Variants in HIP1 observed in about 807,000 individuals in gnomAD.
HIP1 encodes the protein huntingtin interacting protein 1.
Under a neutral mutation model 147.6 loss-of-function variants are expected in HIP1, and 65 were observed. The ratio of observed to expected loss-of-function variants is 0.44; its 90% confidence interval spans 0.36 to 0.54. The LOEUF (loss-of-function observed/expected upper bound fraction) is 0.54, where lower values mean the gene tolerates loss of function less well. HIP1 is among the 20% of genes least tolerant of loss of function. The pLI, the probability that HIP1 is intolerant of heterozygous loss-of-function variation, is 0.00. For synonymous variants in HIP1, 479 were observed against 504.0 expected, an observed-to-expected ratio of 0.95 and a Z score of 0.67; for missense variants, 1,061 against 1,299.6, an observed-to-expected ratio of 0.82 and a Z score of 2.82.
intron 1 of HIP1, among the ~76,000 whole-genome samples, chr7:75,609,199 C>G (rs180954206): frequency 2.0e-5 from 3 of 152,296 alleles, no homozygotes; most frequent in African/African-American, 7.2e-5. Context: ...AGCTCTCAGG[C>G]ACTGTCATCA....
chr7:75,656,600 C>T (rs1255265889), intron 1 of HIP1, among the ~76,000 whole-genome samples: 3 of 152,118 alleles, frequency 2.0e-5, no homozygotes, highest in African/African-American at 7.2e-5. Flanking sequence ...GCCTCAGCCT[C>T]TGGAGTAGCT....
intron 12 of HIP1, among the ~76,000 whole-genome samples, 178 bp downstream of exon 12, chr7:75,561,895 C>A (rs1376506056): frequency 6.6e-6 from 1 of 152,198 alleles, no homozygotes; most frequent in African/African-American, 2.4e-5. Flanking sequence ...AATCCTCCTA[C>A]CTCATCCTCC....
At chr7:75,560,866 A>C (rs1433809330) in intron 13 of HIP1, among the ~76,000 whole-genome samples, 1 of 151,602 alleles carries the variant, frequency 6.6e-6, no homozygotes, top group African/African-American at 2.4e-5. Context: ...AGTAGCTGGG[A>C]TCACAGGTGC....
In HIP1 at chr7:75,548,052, T is replaced by G. The variant is rs187194201; in HGVS notation, c.2407-239A>C. Reference sequence around the variant, plus strand: ...CGTGTCATTTTGTTTTGTTTTGAGATGGAGTCTCACTCTGTCACCCAGGCT... The same window carrying G: ...CGTGTCATTTTGTTTTGTTTTGAGAGGGAGTCTCACTCTGTCACCCAGGCT... On this transcript the variant is annotated intron_variant, in intron 23 of 30. Transcript: ENST00000336926. Among the ~76,000 whole-genome samples, 289 of 152,130 alleles carry G rather than the reference T, an allele frequency of 1.9e-3. 1 individual carries two copies. Among genetic ancestry groups the G allele is most frequent in the South Asian group, 0.013 (64 of 4,816 alleles).
chr7:75,597,039 CT>C (rs1411401260), intron 2 of HIP1, among the ~76,000 whole-genome samples: 1 of 152,158 alleles, frequency 6.6e-6, no homozygotes, highest in Non-Finnish European at 1.5e-5. Flanking sequence ...AAAATAAAGG[CT>C]TTTCTTGGTT....
Position 75,559,907 on chromosome 7 carries a change from C to A in HIP1, c.1200G>T (p.Arg400=), listed in dbSNP as rs781974576. 10 of 1,602,392 alleles carry A rather than the reference C, an allele frequency of 6.2e-6. No homozygotes were observed. Among genetic ancestry groups the A allele is most frequent in the Non-Finnish European group, 6.8e-6 (8 of 1,175,918 alleles). The change falls in exon 14 of 31, where the codon CGG becomes CGT. Residue 400 remains arginine, a synonymous_variant. Transcript: ENST00000336926. ...QLENMKTESQ[R]VVLQLKGHVS... is the part of the protein sequence containing the mutation. ...CGTGGCCCTTCAGCTGCAGCACAACCCGCTGGCTCTGTGGGGGGACTCCGG... is the reference window on the plus strand; with the variant it reads ...CGTGGCCCTTCAGCTGCAGCACAACACGCTGGCTCTGTGGGGGGACTCCGG...
intron 7 of HIP1, 100 bp from the exon 8 acceptor site, chr7:75,574,001 G>T (rs1163603548): frequency 3.1e-6 from 3 of 960,532 alleles, no homozygotes; most frequent in Non-Finnish European, 4.8e-6. Flanking sequence ...ACCAAGGACC[G>T]ATTCTGTGCG....
intron 7 of HIP1, among the ~76,000 whole-genome samples, chr7:75,577,935 G>A (rs1795903249): frequency 6.6e-6 from 1 of 152,190 alleles, no homozygotes; most frequent in African/African-American, 2.4e-5. Context: ...GGGAGGCGGA[G>A]GTTGCAGCGA....
intron 1 of HIP1, among the ~76,000 whole-genome samples, chr7:75,636,300 G>A (rs948877341): frequency 3.3e-5 from 5 of 151,260 alleles, no homozygotes; most frequent in African/African-American, 1.2e-4. Flanking sequence ...GCAGTGAGCC[G>A]AGACTGCACC....
At chr7:75,614,726 A>G (rs1332015241) in intron 1 of HIP1, among the ~76,000 whole-genome samples, 1 of 149,030 alleles carries the variant, frequency 6.7e-6, no homozygotes, top group Non-Finnish European at 1.5e-5. Context: ...TTCATGTTAT[A>G]TGTATTTTGT....
intron 1 of HIP1, among the ~76,000 whole-genome samples, chr7:75,684,640 G>A (rs139787362): frequency 5.9e-4 from 90 of 152,054 alleles, no homozygotes; most frequent in African/African-American, 2.0e-3. Context: ...CTGTACCAAC[G>A]TATTTGGCTA....
chr7:75,550,361 C>A (rs1554491881), intron 22 of HIP1, among the ~76,000 whole-genome samples: 2 of 152,186 alleles, frequency 1.3e-5, no homozygotes, highest in African/African-American at 4.8e-5. Flanking sequence ...TACTCCCTGC[C>A]TTCTACCCCA....
chr7:75,629,941 T>C (rs781930728), intron 1 of HIP1, among the ~76,000 whole-genome samples: 6 of 152,142 alleles, frequency 3.9e-5, no homozygotes, highest in Non-Finnish European at 8.8e-5. Flanking sequence ...GGAGTATTGC[T>C]TGAGGCCAGC....
intron 22 of HIP1, among the ~76,000 whole-genome samples, chr7:75,550,907 CAT>C (rs1224241951): frequency 6.6e-6 from 1 of 152,132 alleles, no homozygotes; most frequent in African/African-American, 2.4e-5. Flanking sequence ...GAGAAACTGA[CAT>C]GTGTGCATAT....
chr7:75,534,132 G>A lies in HIP1; in HGVS notation c.*4040C>T, dbSNP rs587647916. Reference sequence around the variant, plus strand: ...AAGCTGAGAACTAGCTCCTGCACAGGGTCGAGGGGCCAAAGCCAACTAATC... The same window carrying A: ...AAGCTGAGAACTAGCTCCTGCACAGAGTCGAGGGGCCAAAGCCAACTAATC... On this transcript the variant is annotated 3_prime_UTR_variant, in exon 31 of 31. Coordinates refer to ENST00000336926, the MANE Select transcript of HIP1 (RefSeq NM_005338.7). The A allele has an allele frequency of 4.3e-6, 1 of 230,684 alleles. No homozygotes were observed. The highest frequency in any genetic ancestry group is 2.2e-5 in the African/African-American group (1 of 45,320). 14.3% of individuals were successfully genotyped at this position (230,684 alleles called of 1,614,324 possible).
intron 1 of HIP1, among the ~76,000 whole-genome samples, chr7:75,641,943 C>G (rs782089291): frequency 2.0e-5 from 3 of 152,220 alleles, no homozygotes; most frequent in Non-Finnish European, 4.4e-5. Context: ...CCCTGCGATT[C>G]TTTCTTGCAA....
intron 1 of HIP1, among the ~76,000 whole-genome samples, chr7:75,725,805 G>T (rs1216006873): frequency 6.6e-6 from 1 of 150,476 alleles, no homozygotes; most frequent in African/African-American, 2.4e-5. Flanking sequence ...CTAAATGTCT[G>T]TGGGTGCATG....
rs965292782 is a variant in HIP1 at position 75,607,863 on chromosome 7, C to A, written c.121-8616G>T. 2.5e-4 allele frequency among the ~76,000 whole-genome samples: 38 copies of A among 152,126 alleles called. 1 individual carries two copies. The highest frequency in any genetic ancestry group is 8.0e-4 in the African/African-American group (33 of 41,442). On this transcript the variant is annotated intron_variant, in intron 1 of 30. Coordinates refer to ENST00000336926, the MANE Select transcript of HIP1 (RefSeq NM_005338.7). Reference sequence around the variant, plus strand: ...TCGGCACTAGACAAGGCCCTCTACACCACAGAGACACGATCAGAATCCACA... The same window carrying A: ...TCGGCACTAGACAAGGCCCTCTACAACACAGAGACACGATCAGAATCCACA...
chr7:75,551,401 G>T (rs1794778942), intron 22 of HIP1, among the ~76,000 whole-genome samples: 1 of 151,504 alleles, frequency 6.6e-6, no homozygotes, highest in Non-Finnish European at 1.5e-5. Flanking sequence ...TTTTAATAGA[G>T]ATGGAGTTTC....
Sources: gnomAD v4.1 joint callset for allele counts (sites outside exome capture counted in the v4.1 genomes callset) on GRCh38, gnomAD v4.1.1 for gene constraint, MANE v1.5 for transcripts, NCBI Gene and HGNC (gene_info 2026-07-23, HGNC 2026-07-21) for gene names.